Variants in PPARGC1A observed in about 807,000 individuals in gnomAD.
The protein encoded by PPARGC1A is PPARG coactivator 1 alpha, also known as peroxisome proliferator-activated receptor gamma coactivator 1-alpha.
In PPARGC1A, 25 loss-of-function variants were observed where a neutral mutation model predicts 88.7. The ratio of observed to expected loss-of-function variants is 0.28; its 90% CI spans 0.21 to 0.39. The LOEUF (loss-of-function observed/expected upper bound fraction) is 0.39. Ranked by LOEUF, PPARGC1A falls within the 10% of genes least tolerant of loss-of-function variation. The pLI is 1.00. For synonymous variants in PPARGC1A, 363 were observed against 355.6 expected (o/e 1.02, Z -0.24); for missense variants, 880 against 968.7 (o/e 0.91, Z 1.22).
chr4:24,059,824 G>A, the PPARGC1A span, among the ~76,000 whole-genome samples: 1 of 152,160 alleles, frequency 6.6e-6, no homozygotes, highest in African/African-American at 2.4e-5. Context: ...TTCTCTCCAT[G>A]TTATTCCCAG....
the PPARGC1A span, among the ~76,000 whole-genome samples, chr4:24,280,220 C>T: frequency 6.6e-6 from 1 of 152,240 alleles, no homozygotes; most frequent in Admixed American, 6.5e-5. Flanking sequence ...CATGGCATTA[C>T]ATTTGATTTG....
the PPARGC1A span, among the ~76,000 whole-genome samples, chr4:24,387,896 AAAAGAAAG>A: frequency 0.16 from 16,474 of 105,740 alleles, 2,176 homozygotes; most frequent in East Asian, 0.29. Context: ...GAAAGAAAGA[AAAAGAAAG>A]AGAAAGAAAG....
the PPARGC1A span, among the ~76,000 whole-genome samples, chr4:23,943,941 A>G: frequency 1.3e-5 from 2 of 152,194 alleles, no homozygotes; most frequent in African/African-American, 4.8e-5. Flanking sequence ...AAAACTGTCA[A>G]GATCATCAAA....
chr4:24,178,032 C>T, the PPARGC1A span, among the ~76,000 whole-genome samples: 278 of 152,314 alleles, frequency 1.8e-3, 1 homozygote, highest in Middle Eastern at 3.4e-3. Context: ...ATGCTTAAAT[C>T]GCCTCCACAG....
chr4:24,270,609 T>C, the PPARGC1A span, among the ~76,000 whole-genome samples: 4 of 152,152 alleles, frequency 2.6e-5, no homozygotes, highest in Non-Finnish European at 5.9e-5. Flanking sequence ...TCTTTAATTC[T>C]CTGCATTCCA....
At chr4:24,173,846 CATTGCCACTACAGGGA>C in the PPARGC1A span, among the ~76,000 whole-genome samples, 1 of 152,328 alleles carries the variant, frequency 6.6e-6, no homozygotes, top group East Asian at 1.9e-4. Flanking sequence ...TATCACCCAT[CATTGCCACTACAGGGA>C]GAGCATTTTA....
chr4:24,086,632 C>T, the PPARGC1A span, among the ~76,000 whole-genome samples: 11 of 152,296 alleles, frequency 7.2e-5, no homozygotes, highest in South Asian at 2.1e-4. Flanking sequence ...CATGACCTTG[C>T]GTTGCAGGGC....
chr4:24,208,449 T>A, the PPARGC1A span, among the ~76,000 whole-genome samples: 1 of 152,092 alleles, frequency 6.6e-6, no homozygotes, highest in Non-Finnish European at 1.5e-5. Context: ...CTAGGGGCAT[T>A]ACCTAGCCAG....
chr4:23,800,118 C>T (rs1030849949), intron 12 of PPARGC1A, among the ~76,000 whole-genome samples: 2 of 152,104 alleles, frequency 1.3e-5, no homozygotes, highest in African/African-American at 4.8e-5. Flanking sequence ...GACATCCCTT[C>T]GTTGGACAGA....
At chr4:24,005,766 A>T in the PPARGC1A span, among the ~76,000 whole-genome samples, 7 of 152,206 alleles carry the variant, frequency 4.6e-5, no homozygotes, top group South Asian at 8.3e-4. Context: ...GGCTCTGAAC[A>T]TGTGTTGATT....
chr4:24,203,786 A>G, the PPARGC1A span, among the ~76,000 whole-genome samples: 3 of 152,248 alleles, frequency 2.0e-5, no homozygotes, highest in South Asian at 6.2e-4. Flanking sequence ...TCTTTGAAAG[A>G]AAAGGAACGT....
the PPARGC1A span, among the ~76,000 whole-genome samples, chr4:23,968,691 G>A: frequency 1.3e-5 from 2 of 152,122 alleles, no homozygotes; most frequent in African/African-American, 4.8e-5. Flanking sequence ...ACGGCAGGAG[G>A]ATCACCTGAG....
At chr4:23,987,565 G>A in the PPARGC1A span, among the ~76,000 whole-genome samples, 1 of 151,796 alleles carries the variant, frequency 6.6e-6, no homozygotes, top group East Asian at 1.9e-4. Flanking sequence ...CTGCTTCCTG[G>A]AAGCCTTTCC....
chr4:23,957,562 A>G, the PPARGC1A span, among the ~76,000 whole-genome samples: 1 of 152,132 alleles, frequency 6.6e-6, no homozygotes, highest in Non-Finnish European at 1.5e-5. Context: ...AATAGCCATC[A>G]TGTATCTATT....
chr4:23,888,573 A>G (rs1485400437), intron 1 of PPARGC1A, among the ~76,000 whole-genome samples: 2 of 152,178 alleles, frequency 1.3e-5, no homozygotes, highest in South Asian at 2.1e-4. Context: ...TGAATTATCC[A>G]TATCTATTCC....
chr4:24,016,134 T>G, the PPARGC1A span, among the ~76,000 whole-genome samples: 1 of 152,230 alleles, frequency 6.6e-6, no homozygotes, highest in African/African-American at 2.4e-5. Flanking sequence ...GGAAACAGTT[T>G]GTAAATGCTC....
the PPARGC1A span, among the ~76,000 whole-genome samples, chr4:24,429,400 A>G: frequency 2.6e-5 from 4 of 152,146 alleles, no homozygotes; most frequent in Admixed American, 2.6e-4. Context: ...TACAAGGCCT[A>G]ATGAGGGAGA....
intron 2 of PPARGC1A, among the ~76,000 whole-genome samples, chr4:23,842,266 C>G (rs1727192234): frequency 6.6e-6 from 1 of 152,094 alleles, no homozygotes; most frequent in African/African-American, 2.4e-5. Flanking sequence ...CTGGCTGGCC[C>G]AGTGTTGGTT....
chr4:24,017,445 G>A, the PPARGC1A span, among the ~76,000 whole-genome samples: 1 of 152,024 alleles, frequency 6.6e-6, no homozygotes, highest in Admixed American at 6.6e-5. Context: ...GGGGATTTGA[G>A]GGTAATGGAG....
Sources: allele counts gnomAD v4.1 joint callset (sites outside exome capture counted in the v4.1 genomes callset), GRCh38; gene constraint gnomAD v4.1.1; transcripts MANE v1.5; gene names NCBI Gene and HGNC (gene_info 2026-07-23, HGNC 2026-07-21).